Variants in HNF1B observed in about 807,000 individuals in gnomAD.
HNF1B encodes hepatocyte nuclear factor 1-beta.
In HNF1B, 8 loss-of-function variants were observed where a neutral mutation model predicts 61.7. That is an observed-to-expected ratio of 0.13 (90% CI 0.08 to 0.23). The LOEUF (loss-of-function observed/expected upper bound fraction) is 0.23. Ranked by LOEUF, HNF1B falls within the 10% of genes least tolerant of loss-of-function variation. The probability of loss-of-function intolerance (pLI) is 1.00; values close to 1 mark genes in which losing one functional copy is unlikely to be tolerated. For missense variants in HNF1B, 562 were observed against 714.5 expected (o/e 0.79, Z 2.43); for synonymous variants, 314 against 287.7 (o/e 1.09, Z -0.93).
chr17:37,688,227 A>G (rs1182750599), intron 8 of HNF1B, among the ~76,000 whole-genome samples: 3 of 152,116 alleles, frequency 2.0e-5, no homozygotes, highest in African/African-American at 7.2e-5. Flanking sequence ...CCTGGGCCTT[A>G]TTCATTTGAA....
At chr17:37,720,941 AC>A (rs2033293617) in intron 4 of HNF1B, 2 of 985,442 alleles carry the variant, frequency 2.0e-6, no homozygotes, top group Admixed American at 6.1e-5. Context: ...CATCCATAAA[AC>A]ACCTTGAGAT....
At chr17:37,692,747 G>C (rs1465379050) in intron 8 of HNF1B, among the ~76,000 whole-genome samples, 1 of 152,228 alleles carries the variant, frequency 6.6e-6, no homozygotes, top group East Asian at 1.9e-4. Context: ...TGAGCAGGGA[G>C]TCTGTGTATC....
At chr17:37,703,313 A>C (rs761755808) in intron 6 of HNF1B, among the ~76,000 whole-genome samples, 2 of 152,228 alleles carry the variant, frequency 1.3e-5, no homozygotes, top group Non-Finnish European at 2.9e-5. Flanking sequence ...TAGGAGATTA[A>C]GGAGCATCGT....
intron 8 of HNF1B, among the ~76,000 whole-genome samples, chr17:37,692,606 ATTCG>A (rs201757724): frequency 6.8e-6 from 1 of 147,128 alleles, no homozygotes; most frequent in East Asian, 1.9e-4. Flanking sequence ...TTCTGCATTC[ATTCG>A]TTCGTTCGTT....
intron 7 of HNF1B, among the ~76,000 whole-genome samples, chr17:37,700,099 G>A (rs2189303): frequency 0.24 from 32,346 of 132,734 alleles, 3,642 homozygotes; most frequent in East Asian, 0.42. Context: ...ACTTGCATTA[G>A]GCTACACAGC....
intron 5 of HNF1B, among the ~76,000 whole-genome samples, chr17:37,709,505 C>G (rs576254596): frequency 6.6e-6 from 1 of 152,250 alleles, no homozygotes; most frequent in Admixed American, 6.5e-5. Context: ...ATCCACCTGC[C>G]TCAGTCTCCC....
At chr17:37,738,338 T>C (rs528199902) in intron 2 of HNF1B, among the ~76,000 whole-genome samples, 1 of 152,222 alleles carries the variant, frequency 6.6e-6, no homozygotes, top group East Asian at 1.9e-4. Flanking sequence ...CTAAAACCAT[T>C]CCTTTCACCA....
chr17:37,703,925 G>C (rs1266004816), intron 6 of HNF1B, among the ~76,000 whole-genome samples: 4 of 152,144 alleles, frequency 2.6e-5, no homozygotes, highest in African/African-American at 9.7e-5. Context: ...AAAGAAAAAG[G>C]CAGAAACAAA....
chr17:37,699,020 A>G (rs566117236), intron 8 of HNF1B, 56 bp downstream of exon 8: 4 of 1,233,234 alleles, frequency 3.2e-6, no homozygotes, highest in African/African-American at 3.0e-5. Flanking sequence ...CTGCACATCC[A>G]TGGCCTTATC....
chr17:37,705,725 A>AG lies in HNF1B; in HGVS notation c.1207-677dup, dbSNP rs560187764. The stretch of plus-strand genomic sequence containing the variant: ...TGTAATACAAGCATCTGATGGTAAC[A>AG]GGGTCTTTTCCTTGCTAGTACTGAT... On this transcript the variant is annotated intron_variant, in intron 5 of 8. Transcript: ENST00000617811. Among the ~76,000 whole-genome samples, 39 of 152,224 alleles carry AG rather than the reference A, an allele frequency of 2.6e-4. 1 individual carries two copies. The South Asian group carries it at 7.9e-3, about 31-fold the overall frequency.
chr17:37,694,446 C>G lies in HNF1B; in HGVS notation c.1653+4630G>C, dbSNP rs1433566950. 8.7e-5 allele frequency among the ~76,000 whole-genome samples: 6 copies of G among 68,972 alleles called. 1 individual carries two copies. The highest frequency in any genetic ancestry group is 2.3e-4 in the African/African-American group (5 of 21,644). 45.2% of individuals were successfully genotyped at this position (68,972 alleles called of 152,430 possible). ...CATCCCCCCGCCCCGCCGCCCCCCC[C>G]CCCCCCCGCAAAAAAAAAAGATACT... On this transcript the variant is annotated intron_variant, in intron 8 of 8. Coordinates refer to ENST00000617811, the MANE Select transcript of HNF1B (RefSeq NM_000458.4).
intron 4 of HNF1B, among the ~76,000 whole-genome samples, chr17:37,713,188 T>C (rs3110644): frequency 6.6e-6 from 1 of 151,946 alleles, no homozygotes; most frequent in South Asian, 2.1e-4. Flanking sequence ...TGGGAGTCAG[T>C]TGTGTTTTCA....
At chr17:37,734,300 A>T (rs1458976750) in intron 2 of HNF1B, among the ~76,000 whole-genome samples, 1 of 152,234 alleles carries the variant, frequency 6.6e-6, no homozygotes, top group Non-Finnish European at 1.5e-5. Context: ...AGGTATCTAC[A>T]TTATAAAGTC....
At position 37,692,729 on chromosome 17, in the gene HNF1B, G is replaced by GA. The variant is rs533914556; in HGVS notation, c.1654-5338dup. 1.5e-3 allele frequency among the ~76,000 whole-genome samples: 227 copies of GA among 152,326 alleles called. 1 individual carries two copies. Among genetic ancestry groups the GA allele is most frequent in the Middle Eastern group, 0.014 (4 of 292 alleles). ...CCTGAACTATTTGCTTTTTTCCTGGGAAATAGGTGAGCAGGGAGTCTGTGT... is the reference window on the plus strand; with the variant it reads ...CCTGAACTATTTGCTTTTTTCCTGGGAAAATAGGTGAGCAGGGAGTCTGTGT... On this transcript the variant is annotated intron_variant, in intron 8 of 8. Coordinates refer to ENST00000617811, the MANE Select transcript of HNF1B (RefSeq NM_000458.4).
rs188956138 is a variant in HNF1B, at chr17:37,725,246, G to A, written c.1045+6349C>T. Among the ~76,000 whole-genome samples the A allele has an allele frequency of 7.2e-4, 109 of 152,314 alleles. No individual in the cohort carries two copies. The Middle Eastern group carries it at 0.017, about 24-fold the overall frequency. On this transcript the variant is annotated intron_variant, in intron 4 of 8. Coordinates refer to ENST00000617811, the MANE Select transcript of HNF1B (RefSeq NM_000458.4). ...TTCCTCCTCAGAGCTCACTGGAGGC[G>A]GCAAGGAGTCCTTGAATCGTCTAAG...
intron 4 of HNF1B, chr17:37,729,681 G>A (rs1193135171): frequency 6.6e-6 from 1 of 152,244 alleles, no homozygotes; most frequent in Non-Finnish European, 1.5e-5. Flanking sequence ...CATATTCCCA[G>A]GACTTGGTAA....
At chr17:37,732,846 TTTG>T (rs1343582078) in intron 3 of HNF1B, among the ~76,000 whole-genome samples, 8 of 123,968 alleles carry the variant, frequency 6.5e-5, no homozygotes, top group African/African-American at 2.8e-4. Context: ...TTTTTGTTTT[TTTG>T]TTTTTTTTTT....
intron 4 of HNF1B, among the ~76,000 whole-genome samples, chr17:37,714,210 G>C (rs1028442755): frequency 6.6e-6 from 1 of 152,204 alleles, no homozygotes; most frequent in Admixed American, 6.5e-5. Context: ...GCACATAACA[G>C]TTGCTGAAAA....
intron 1 of HNF1B, 104 bp from the exon 2 acceptor site, chr17:37,739,743 T>G: frequency 9.0e-7 from 1 of 1,113,306 alleles, no homozygotes; most frequent in East Asian, 2.6e-5. Flanking sequence ...ATTCTGAATT[T>G]TCCCCCCATC....
Sources: gnomAD v4.1 joint callset for allele counts (sites outside exome capture counted in the v4.1 genomes callset) on GRCh38, gnomAD v4.1.1 for gene constraint, MANE v1.5 for transcripts, NCBI Gene and HGNC (gene_info 2026-07-23, HGNC 2026-07-21) for gene names.